Variants in RNF220 observed in about 807,000 individuals in gnomAD.
The protein encoded by RNF220 is E3 ubiquitin-protein ligase RNF220.
In RNF220, 7 loss-of-function variants were observed where a neutral mutation model predicts 67.1. The observed-to-expected ratio is 0.10, with a 90% CI of 0.06 to 0.20. RNF220 has a LOEUF of 0.20. Ranked by LOEUF, RNF220 falls within the 10% of genes least tolerant of loss-of-function variation. The pLI is 1.00. For synonymous variants in RNF220, 270 were observed against 283.2 expected (o/e 0.95, Z 0.47); for missense variants, 565 against 740.3 (o/e 0.76, Z 2.75).
chr1:44,552,426 G>T (rs991946249), intron 2 of RNF220, among the ~76,000 whole-genome samples: 2 of 151,972 alleles, frequency 1.3e-5, no homozygotes, highest in Non-Finnish European at 2.9e-5. Flanking sequence ...AGCCTCGGAG[G>T]TCAAGTCTGC....
chr1:44,497,744 C>T (rs1310355561), intron 2 of RNF220, among the ~76,000 whole-genome samples: 1 of 152,212 alleles, frequency 6.6e-6, no homozygotes, highest in Admixed American at 6.5e-5. Flanking sequence ...AACAATTCCC[C>T]TCATCCCTGG....
At chr1:44,616,768 G>A (rs67769635) in intron 3 of RNF220, among the ~76,000 whole-genome samples, 41,414 of 152,096 alleles carry the variant, frequency 0.27, 5,756 homozygotes, top group South Asian at 0.43. Context: ...GGCTAGAGGA[G>A]CATGCCCAGC....
chr1:44,501,854 C>T (rs1193584411), intron 2 of RNF220, among the ~76,000 whole-genome samples: 1 of 152,064 alleles, frequency 6.6e-6, no homozygotes, highest in Non-Finnish European at 1.5e-5. Flanking sequence ...CCCTCCTCTG[C>T]ACTCTAATTG....
chr1:44,412,086 A>G lies in RNF220; in HGVS notation c.-12A>G. ...GCTTCTTGCGTAACGCCGGCCACAGAAAGAGACTCCGATGGACTTACACCG... is the reference window on the plus strand; with the variant it reads ...GCTTCTTGCGTAACGCCGGCCACAGGAAGAGACTCCGATGGACTTACACCG... On this transcript the variant is annotated 5_prime_UTR_variant, in exon 2 of 15. Coordinates refer to ENST00000361799, the MANE Select transcript of RNF220 (RefSeq NM_018150.4). The surrounding 1 kb of genome is among the most constrained non-coding windows in gnomAD (Gnocchi z 5.3). 1.9e-6 allele frequency: 3 copies of G among 1,597,556 alleles called. No homozygotes were observed. Among genetic ancestry groups the G allele is most frequent in the Non-Finnish European group, 2.6e-6 (3 of 1,169,664 alleles).
At chr1:44,426,738 A>AAAAAAG (rs1553214398) in intron 2 of RNF220, among the ~76,000 whole-genome samples, 48 of 151,746 alleles carry the variant, frequency 3.2e-4, no homozygotes, top group Non-Finnish European at 4.9e-4. Context: ...AAAAAAAAAA[A>AAAAAAG]AAAGAAAGAA....
intron 2 of RNF220, among the ~76,000 whole-genome samples, chr1:44,520,122 TGTGTGTGAGA>T (rs1335510241): frequency 7.0e-6 from 1 of 142,710 alleles, no homozygotes; most frequent in African/African-American, 2.7e-5. Flanking sequence ...TGTGTGTGTG[TGTGTGTGAGA>T]GAGAGAGAGA....
At chr1:44,632,660 T>C (rs1644197503) in intron 6 of RNF220, 3 of 563,904 alleles carry the variant, frequency 5.3e-6, no homozygotes, top group Admixed American at 3.0e-5. Flanking sequence ...AGGAACGAGC[T>C]ACACAATTCT....
At position 44,444,311 on chromosome 1, in the gene RNF220, T is replaced by G. The variant is rs550431205; in HGVS notation, c.625+31589T>G. On this transcript the variant is annotated intron_variant, in intron 2 of 14. Transcript: ENST00000361799. ...GGACGTTCAAATGAGAGAGATCATG[T>G]TTTTTTTTGTACTGTTTGTGTTTTG... 5.7e-4 allele frequency among the ~76,000 whole-genome samples: 86 copies of G among 151,632 alleles called. No homozygotes were observed. In the South Asian group the frequency reaches 6.5e-3, roughly 11 times the overall value.
chr1:44,631,165 A>G (rs1304956597), intron 5 of RNF220, among the ~76,000 whole-genome samples: 3 of 152,232 alleles, frequency 2.0e-5, no homozygotes, highest in African/African-American at 7.2e-5. Flanking sequence ...CACGGCCCCA[A>G]CCCTGAAGTG....
At chr1:44,447,983 C>G (rs942112580) in intron 2 of RNF220, among the ~76,000 whole-genome samples, 1 of 152,196 alleles carries the variant, frequency 6.6e-6, no homozygotes, top group Admixed American at 6.5e-5. Context: ...ATTTTCCTGA[C>G]AGTCACATTC....
intron 2 of RNF220, among the ~76,000 whole-genome samples, chr1:44,584,044 T>C (rs983754618): frequency 6.6e-6 from 1 of 152,248 alleles, no homozygotes; most frequent in African/African-American, 2.4e-5. Context: ...ATGAGGTACA[T>C]AGCATCGTGT....
intron 3 of RNF220, among the ~76,000 whole-genome samples, chr1:44,618,949 G>A (rs1214927587): frequency 6.6e-6 from 1 of 152,142 alleles, no homozygotes; most frequent in African/African-American, 2.4e-5. Context: ...TGGTGGCAGA[G>A]AAGCAAGTGT....
At chr1:44,481,126 T>G (rs1655766729) in intron 2 of RNF220, among the ~76,000 whole-genome samples, 2 of 151,852 alleles carry the variant, frequency 1.3e-5, no homozygotes, top group Non-Finnish European at 2.9e-5. Flanking sequence ...TGTCTGGGGA[T>G]AAAGAAGAGC....
intron 2 of RNF220, among the ~76,000 whole-genome samples, chr1:44,530,067 A>T (rs1480821835): frequency 2.0e-5 from 3 of 149,406 alleles, no homozygotes; most frequent in Non-Finnish European, 3.0e-5. Context: ...AAAAAAAAAA[A>T]TTAAAATTAA....
In RNF220 at chr1:44,561,434, G is replaced by A. The variant is rs191689476; in HGVS notation, c.626-52731G>A. Among the ~76,000 whole-genome samples, 121 of 152,300 alleles carry A rather than the reference G, an allele frequency of 7.9e-4. 2 individuals are homozygous for A. The East Asian group carries it at 0.013, about 17-fold the overall frequency. ...CTGAGGCAGAGAATTGCTTGAACCC[G>A]GGAGGTGAAGGTTGCAGTGAGCCCA... On this transcript the variant is annotated intron_variant, in intron 2 of 14. Coordinates refer to ENST00000361799, the MANE Select transcript of RNF220 (RefSeq NM_018150.4).
chr1:44,537,661 TTTCTCAAA>T (rs1216470248), intron 2 of RNF220, among the ~76,000 whole-genome samples: 2 of 152,172 alleles, frequency 1.3e-5, no homozygotes, highest in Non-Finnish European at 2.9e-5. Flanking sequence ...TCCTGTCGCA[TTTCTCAAA>T]TTCTTTCCCC....
At chr1:44,570,704 G>A (rs1664377803) in intron 2 of RNF220, among the ~76,000 whole-genome samples, 1 of 152,164 alleles carries the variant, frequency 6.6e-6, no homozygotes, top group South Asian at 2.1e-4. Flanking sequence ...TCACACTTGT[G>A]CTATTGCAAT....
rs192639784 is a variant in RNF220, at chr1:44,522,555, G to A, written c.626-91610G>A. 6.6e-5 allele frequency among the ~76,000 whole-genome samples: 10 copies of A among 152,230 alleles called. No homozygotes were observed. In the East Asian group the frequency reaches 1.7e-3, roughly 26 times the overall value. Reference sequence around the variant, plus strand: ...AAAAGAGAGACCTTAATTGAGGTGGGTGGACAATAGTTGAGCACAGCACTG... The same window carrying A: ...AAAAGAGAGACCTTAATTGAGGTGGATGGACAATAGTTGAGCACAGCACTG... On this transcript the variant is annotated intron_variant, in intron 2 of 14. Coordinates refer to ENST00000361799, the MANE Select transcript of RNF220 (RefSeq NM_018150.4).
intron 2 of RNF220, among the ~76,000 whole-genome samples, chr1:44,501,258 A>G (rs1476389070): frequency 2.0e-5 from 3 of 151,320 alleles, no homozygotes; most frequent in Non-Finnish European, 2.9e-5. Flanking sequence ...GGCTGTCAGT[A>G]TGGGGAGGAG....
Sources: allele counts gnomAD v4.1 joint callset (sites outside exome capture counted in the v4.1 genomes callset), GRCh38; gene constraint gnomAD v4.1.1; non-coding constraint Gnocchi (gnomAD v3.1); transcripts MANE v1.5; gene names NCBI Gene and HGNC (gene_info 2026-07-23, HGNC 2026-07-21).